RIMBP2: variants seen among roughly 807,000 people sequenced by gnomAD.
RIMBP2 encodes RIMS-binding protein 2.
RIMBP2 carries 48 observed loss-of-function variants against 118.6 expected under a neutral mutation model. The observed-to-expected ratio is 0.40, with a 90% confidence interval of 0.32 to 0.51. The LOEUF (loss-of-function observed/expected upper bound fraction) is 0.51, where lower values mean the gene tolerates loss of function less well. Among genes scored for constraint, RIMBP2 ranks in the 20% least tolerant of loss-of-function variants. The probability of loss-of-function intolerance (pLI) is 0.41; values close to 1 mark genes in which losing one functional copy is unlikely to be tolerated. For synonymous variants in RIMBP2, 762 were observed against 742.9 expected (o/e 1.03, Z -0.42); for missense variants, 1,551 against 1,768.3 (o/e 0.88, Z 2.20).
chr12:130,480,693 T>G (rs1173944314), intron 4 of RIMBP2, among the ~76,000 whole-genome samples: 8 of 152,264 alleles, frequency 5.3e-5, no homozygotes, highest in Non-Finnish European at 1.2e-4. Flanking sequence ...CTCCACCTCC[T>G]GGGTTCAAGC....
chr12:130,423,485 G>C (rs2076548091), intron 16 of RIMBP2, among the ~76,000 whole-genome samples: 1 of 152,072 alleles, frequency 6.6e-6, no homozygotes, highest in African/African-American at 2.4e-5. Context: ...TCCGAAAAGA[G>C]GACACAATAT....
chr12:130,592,682 C>CA (rs10676690), intron 2 of RIMBP2, among the ~76,000 whole-genome samples: 81,771 of 144,034 alleles, frequency 0.57, 23,155 homozygotes, highest in South Asian at 0.71. Flanking sequence ...GAGACTCTGT[C>CA]AAAAAAAAAA....
chr12:130,489,516 C>T (rs1352459573), intron 4 of RIMBP2, among the ~76,000 whole-genome samples: 1 of 152,164 alleles, frequency 6.6e-6, no homozygotes, highest in African/African-American at 2.4e-5. Context: ...CCAGGGATTT[C>T]TACCCCTCTC....
intron 5 of RIMBP2, among the ~76,000 whole-genome samples, chr12:130,473,770 A>G (rs1208882752): frequency 6.6e-6 from 1 of 152,180 alleles, no homozygotes; most frequent in Non-Finnish European, 1.5e-5. Context: ...CCTGAAACTA[A>G]CACAGAGGGT....
At chr12:130,477,032 A>G (rs1243128668) in intron 5 of RIMBP2, among the ~76,000 whole-genome samples, 6 of 152,218 alleles carry the variant, frequency 3.9e-5, no homozygotes, top group Non-Finnish European at 5.9e-5. Flanking sequence ...TCATGCTTAA[A>G]AACTACATCA....
chr12:130,702,918 G>A (rs529957470), intron 1 of RIMBP2, among the ~76,000 whole-genome samples: 1 of 152,210 alleles, frequency 6.6e-6, no homozygotes, highest in South Asian at 2.1e-4. Flanking sequence ...CAACCATCCC[G>A]GGTGCTCAGC....
intron 14 of RIMBP2, among the ~76,000 whole-genome samples, chr12:130,430,986 C>A (rs868271367): frequency 6.6e-6 from 1 of 152,078 alleles, no homozygotes; most frequent in Non-Finnish European, 1.5e-5. Context: ...GACGTACACC[C>A]GGAACATAGA....
chr12:130,637,971 C>A (rs2062427037), intron 1 of RIMBP2, among the ~76,000 whole-genome samples: 1 of 150,968 alleles, frequency 6.6e-6, no homozygotes. Flanking sequence ...TCTTGGAATG[C>A]AAACTTAATG....
intron 2 of RIMBP2, among the ~76,000 whole-genome samples, chr12:130,590,315 T>C (rs1209425949): frequency 6.6e-6 from 1 of 151,918 alleles, no homozygotes; most frequent in Non-Finnish European, 1.5e-5. Flanking sequence ...ACGTAATTGC[T>C]CCTAATCAAC....
At chr12:130,715,598 G>A (rs988142963) in intron 1 of RIMBP2, among the ~76,000 whole-genome samples, 4 of 152,218 alleles carry the variant, frequency 2.6e-5, no homozygotes, top group Admixed American at 6.5e-5. Context: ...ACGCATGCAC[G>A]CACACACTCT....
At chr12:130,467,472 C>G (rs1158198358) in intron 6 of RIMBP2, among the ~76,000 whole-genome samples, 1 of 152,230 alleles carries the variant, frequency 6.6e-6, no homozygotes, top group Non-Finnish European at 1.5e-5. Flanking sequence ...ATCTCCAACC[C>G]AGCCAATCAG....
At chr12:130,651,345 G>C (rs921510099) in intron 1 of RIMBP2, 1 of 152,306 alleles carries the variant, frequency 6.6e-6, no homozygotes, top group Non-Finnish European at 1.5e-5. Context: ...GGACTATGAT[G>C]ACATAGATGG....
chr12:130,493,573 C>T (rs2048849469), intron 4 of RIMBP2, among the ~76,000 whole-genome samples: 1 of 152,114 alleles, frequency 6.6e-6, no homozygotes, highest in African/African-American at 2.4e-5. Flanking sequence ...CCTCAACCTC[C>T]CAAAGTGCTG....
chr12:130,421,670 A>T (rs898417690), intron 17 of RIMBP2, among the ~76,000 whole-genome samples: 1 of 139,468 alleles, frequency 7.2e-6, no homozygotes, highest in African/African-American at 2.8e-5. Flanking sequence ...CTGCTGTATC[A>T]AGAGTTCTCC....
chr12:130,469,473 T>A lies in RIMBP2; in HGVS notation c.153+1220A>T, dbSNP rs1422013883. On this transcript the variant is annotated intron_variant, in intron 6 of 22. Coordinates refer to ENST00000690449, the MANE Select transcript of RIMBP2 (RefSeq NM_001393629.1). The surrounding 1 kb of genome is among the most constrained non-coding windows in gnomAD (Gnocchi z 4.8). ...TGCAAATTAAAGTGCGGTGGATAAC[T>A]CAGGCCAGGGAAAGTGAATTATTTT... Among the ~76,000 whole-genome samples, 1 of 152,118 alleles carries A rather than the reference T, an allele frequency of 6.6e-6. No homozygotes were observed. The highest frequency in any genetic ancestry group is 1.5e-5 in the Non-Finnish European group (1 of 68,012).
rs1271483305 is a variant in RIMBP2, at chr12:130,581,793, A to G, written c.-217+46529T>C. ...GGTCTGTTCTTACTCCCCATTAGTAAGCTGTCAACATGGTGGCCAGAAGTC... is the reference window on the plus strand; with the variant it reads ...GGTCTGTTCTTACTCCCCATTAGTAGGCTGTCAACATGGTGGCCAGAAGTC... On this transcript the variant is annotated intron_variant, in intron 2 of 22. Transcript: ENST00000690449. The surrounding 1 kb of genome is among the most constrained non-coding windows in gnomAD (Gnocchi z 4.4). Among the ~76,000 whole-genome samples, 1 of 152,234 alleles carries G rather than the reference A, an allele frequency of 6.6e-6. No individual in the cohort carries two copies. Among genetic ancestry groups the G allele is most frequent in the Non-Finnish European group, 1.5e-5 (1 of 68,044 alleles).
chr12:130,438,241 A>C, intron 12 of RIMBP2, 124 bp downstream of exon 12: 12 of 1,077,256 alleles, frequency 1.1e-5, no homozygotes, highest in South Asian at 1.5e-5. Flanking sequence ...TTCGGGGTTG[A>C]GGGTGCCTCC....
chr12:130,608,983 G>A (rs1017925561), intron 2 of RIMBP2, among the ~76,000 whole-genome samples: 4 of 151,936 alleles, frequency 2.6e-5, no homozygotes, highest in Non-Finnish European at 4.4e-5. Flanking sequence ...CTACTTCTAC[G>A]AGATCAACTT....
intron 4 of RIMBP2, among the ~76,000 whole-genome samples, chr12:130,487,747 C>A (rs183168128): frequency 1.3e-5 from 2 of 152,326 alleles, no homozygotes; most frequent in African/African-American, 4.8e-5. Context: ...ATGAGAACCA[C>A]AGGATCACAG....
Sources: gnomAD v4.1 joint callset for allele counts (sites outside exome capture counted in the v4.1 genomes callset) on GRCh38, gnomAD v4.1.1 for gene constraint, Gnocchi (gnomAD v3.1) non-coding constraint, MANE v1.5 for transcripts, NCBI Gene and HGNC (gene_info 2026-07-23, HGNC 2026-07-21) for gene names.